The following ADAM18 variants were observed in gnomAD, a reference collection of about 807,000 sequenced individuals.
The protein encoded by ADAM18 is disintegrin and metalloproteinase domain-containing protein 18.
Under a neutral mutation model 94.4 loss-of-function variants are expected in ADAM18, and 117 were observed. That is an observed-to-expected ratio of 1.24 (90% CI 1.07 to 1.45). ADAM18 has a LOEUF of 1.45. Among genes scored for constraint, ADAM18 ranks in the 40% most tolerant of loss-of-function variants. The pLI is 0.00. For missense variants in ADAM18, 936 were observed against 880.0 expected (o/e 1.06, Z -0.81); for synonymous variants, 327 against 291.6 (o/e 1.12, Z -1.24).
chr8:39,718,111 G>A (rs1256890687), intron 18 of ADAM18, among the ~76,000 whole-genome samples: 7 of 151,496 alleles, frequency 4.6e-5, no homozygotes, highest in African/African-American at 1.7e-4. Context: ...CTTGCATACT[G>A]TTGGTAAGGA....
At chr8:39,707,852 C>T (rs918409086) in intron 18 of ADAM18, among the ~76,000 whole-genome samples, 4 of 151,732 alleles carry the variant, frequency 2.6e-5, no homozygotes, top group Non-Finnish European at 5.9e-5. Context: ...CACCCTTTTC[C>T]TTAAGGAAAG....
At chr8:39,619,703 T>A (rs1475803613) in intron 6 of ADAM18, among the ~76,000 whole-genome samples, 2 of 152,022 alleles carry the variant, frequency 1.3e-5, no homozygotes, top group Non-Finnish European at 2.9e-5. Flanking sequence ...GATCTCCACA[T>A]GAAAACTATA....
At chr8:39,586,417 A>G (rs1563263195) in intron 2 of ADAM18, among the ~76,000 whole-genome samples, 1 of 152,242 alleles carries the variant, frequency 6.6e-6, no homozygotes, top group East Asian at 1.9e-4. Flanking sequence ...TTTCCACTAC[A>G]GTAAGCTGCT....
At chr8:39,707,927 T>C (rs572355005) in intron 18 of ADAM18, among the ~76,000 whole-genome samples, 45 of 152,274 alleles carry the variant, frequency 3.0e-4, no homozygotes, top group African/African-American at 9.6e-4. Flanking sequence ...TTTGGGATCA[T>C]GATGAAGTAA....
intron 2 of ADAM18, among the ~76,000 whole-genome samples, chr8:39,590,029 A>G (rs1014270866): frequency 1.3e-5 from 2 of 149,936 alleles, no homozygotes; most frequent in Non-Finnish European, 3.0e-5. Flanking sequence ...CAGTGTGGCA[A>G]TTCCTCAGGG....
At chr8:39,602,333 A>C (rs1250338376) in intron 2 of ADAM18, among the ~76,000 whole-genome samples, 1 of 152,214 alleles carries the variant, frequency 6.6e-6, no homozygotes, top group Non-Finnish European at 1.5e-5. Flanking sequence ...CTCTACGTAC[A>C]CACCAACATT....
chr8:39,645,032 G>T (rs982431413), intron 10 of ADAM18, among the ~76,000 whole-genome samples: 14 of 152,078 alleles, frequency 9.2e-5, no homozygotes, highest in Non-Finnish European at 1.9e-4. Flanking sequence ...TTCATTGGAT[G>T]AACTGATTCA....
chr8:39,636,662 T>A (rs1820082727), intron 7 of ADAM18, among the ~76,000 whole-genome samples: 1 of 152,062 alleles, frequency 6.6e-6, no homozygotes, highest in Admixed American at 6.6e-5. Context: ...CTCTTTTAGC[T>A]AATTTTCAGT....
intron 16 of ADAM18, among the ~76,000 whole-genome samples, chr8:39,686,415 C>G (rs987669649): frequency 1.3e-5 from 2 of 152,164 alleles, no homozygotes; most frequent in African/African-American, 4.8e-5. Flanking sequence ...GGTACCTTAC[C>G]GTGTCCTCGC....
intron 16 of ADAM18, among the ~76,000 whole-genome samples, chr8:39,684,262 A>G (rs1435211181): frequency 1.3e-5 from 2 of 151,520 alleles, no homozygotes; most frequent in Non-Finnish European, 2.9e-5. Context: ...AACTTCCAAA[A>G]TTTTTTCCCA....
chr8:39,699,599 T>A (rs1822009730), intron 17 of ADAM18, among the ~76,000 whole-genome samples: 1 of 151,892 alleles, frequency 6.6e-6, no homozygotes, highest in Admixed American at 6.6e-5. Flanking sequence ...ATATGAGATG[T>A]TTTATGATCT....
chr8:39,708,182 T>C (rs1369124790), intron 18 of ADAM18, among the ~76,000 whole-genome samples: 1 of 152,194 alleles, frequency 6.6e-6, no homozygotes, highest in African/African-American at 2.4e-5. Context: ...TTTCAGACAG[T>C]GGTTGCCCAT....
chr8:39,616,467 T>A (rs1434807578), intron 6 of ADAM18, among the ~76,000 whole-genome samples: 1 of 152,142 alleles, frequency 6.6e-6, no homozygotes, highest in Non-Finnish European at 1.5e-5. Context: ...ACAGATTCAA[T>A]GCTATTCCTA....
chr8:39,672,990 G>A (rs900205926), intron 14 of ADAM18, among the ~76,000 whole-genome samples: 1 of 152,144 alleles, frequency 6.6e-6, no homozygotes. Context: ...TATAATTGGA[G>A]TTGGCATATT....
intron 1 of ADAM18, 48 bp from the exon 2 acceptor site, chr8:39,585,228 T>C: frequency 6.7e-7 from 1 of 1,490,016 alleles, no homozygotes; most frequent in South Asian, 1.1e-5. Context: ...ACTGAGACGA[T>C]TGTTGATGCA....
intron 2 of ADAM18, among the ~76,000 whole-genome samples, chr8:39,591,733 A>G (rs1178641231): frequency 6.6e-6 from 1 of 152,206 alleles, no homozygotes; most frequent in Non-Finnish European, 1.5e-5. Flanking sequence ...TGAATCGTGA[A>G]TTGTCTTAAT....
Position 39,661,416 on chromosome 8 carries a change from C to T in ADAM18, c.1231-2379C>T, listed in dbSNP as rs550802349. 5.4e-3 allele frequency among the ~76,000 whole-genome samples: 804 copies of T among 148,176 alleles called. 6 individuals carry two copies. The highest frequency in any genetic ancestry group is 6.7e-3 in the Non-Finnish European group (452 of 67,746). ...GTCTCTATCTCCTGACCTCGTGATC[C>T]GCCTTCCTCAGCCTCCCAAAGTGCT... is the stretch of plus-strand genomic sequence containing the variant. On this transcript the variant is annotated intron_variant, in intron 12 of 19. Coordinates refer to ENST00000265707, the MANE Select transcript of ADAM18 (RefSeq NM_014237.3).
intron 13 of ADAM18, among the ~76,000 whole-genome samples, chr8:39,665,273 CT>C (rs1820966689): frequency 6.6e-6 from 1 of 152,074 alleles, no homozygotes; most frequent in African/African-American, 2.4e-5. Context: ...CAGATCATTC[CT>C]TTATAGTGAC....
rs751751211 is a variant in ADAM18, at chr8:39,706,921, T to C, written c.2017+17T>C. ...AGAAATCTGGTAAGTGGAAATTTGT[T>C]TTCTAAAGCAAAATAGAAGGTTGTT... On this transcript the variant is annotated intron_variant, in intron 18 of 19. Transcript: ENST00000265707. 2 of 1,411,382 alleles carry C rather than the reference T, an allele frequency of 1.4e-6. No homozygotes were observed. The highest frequency in any genetic ancestry group is 2.0e-6 in the Non-Finnish European group (2 of 1,010,022). 87.4% of individuals were successfully genotyped at this position (1,411,382 alleles called of 1,614,324 possible).
Sources: gnomAD v4.1 joint callset for allele counts (sites outside exome capture counted in the v4.1 genomes callset) on GRCh38, gnomAD v4.1.1 for gene constraint, MANE v1.5 for transcripts, NCBI Gene and HGNC (gene_info 2026-07-23, HGNC 2026-07-21) for gene names.